The following GFAP variants were observed in gnomAD, a reference collection of about 807,000 sequenced individuals.
GFAP encodes glial fibrillary acidic protein, also known as intermediate filament protein.
Under a neutral mutation model 49.3 loss-of-function variants are expected in GFAP, and 38 were observed. The observed-to-expected ratio is 0.77, with a 90% CI of 0.60 to 1.01. The LOEUF is 1.01. GFAP is among the 50% of genes least tolerant of loss of function. The probability of loss-of-function intolerance (pLI) is 0.00; values close to 1 mark genes in which losing one functional copy is unlikely to be tolerated. For synonymous variants in GFAP, 222 were observed against 236.4 expected (o/e 0.94, Z 0.56); for missense variants, 463 against 579.1 (o/e 0.80, Z 2.06).
rs1455211354 is a variant in GFAP at position 44,915,374 on chromosome 17, G to A, written c.113C>T (p.Ser38Phe). The change falls in exon 1 of 9, where the codon TCC (serine) becomes TTC (phenylalanine). Residue 38 changes from serine to phenylalanine, a missense_variant. Around this residue, in one of 3 missense-constraint regions of GFAP, gnomAD observed 89 missense variants for 87.5 expected, o/e 1.02. Coordinates refer to ENST00000588735, the MANE Select transcript of GFAP (RefSeq NM_002055.5). The surrounding 1 kb of genome is among the most constrained non-coding windows in gnomAD (Gnocchi z 4.1). ...GRRLGPGTRL[S>F]LARMPPPLPT... is the part of the protein sequence containing the mutation. ...GAGTGGAGGGGGCATTCGAGCCAGG[G>A]AGAGGCGGGTGCCAGGACCCAGACG... 29 of 1,609,252 alleles carry A rather than the reference G, an allele frequency of 1.8e-5. No individual in the cohort carries two copies. Among genetic ancestry groups the A allele is most frequent in the Non-Finnish European group, 2.4e-5 (28 of 1,176,888 alleles).
At position 44,911,720 on chromosome 17, in the gene GFAP, C is replaced by T. The variant is rs2289681; in HGVS notation, c.858G>A (p.Arg286=). 199,782 of 1,613,652 alleles carry T rather than the reference C, an allele frequency of 0.12. 13,661 individuals carry two copies. The highest frequency in any genetic ancestry group is 0.24 in the African/African-American group (18,042 of 75,018). The change falls in exon 5 of 9, where the codon CGG becomes CGA. Residue 286 remains arginine (R), a synonymous_variant. Coordinates refer to ENST00000588735, the MANE Select transcript of GFAP (RefSeq NM_002055.5). The part of the protein sequence containing the change: ...RQAKHEANDY[R]RQLQSLTCDL... ...CGCAGGTCAAGGACTGCAACTGGCG[C>T]CGGTAGTCGTTGGCTTCGTGCTTGG...
At position 44,911,333 on chromosome 17, in the gene GFAP, G is replaced by C; in HGVS notation, c.1030C>G (p.Arg344Gly). Residue 344 changes from arginine to glycine, a missense_variant, in exon 6 of 9, where the codon CGC becomes GGC. Coordinates refer to ENST00000588735, the MANE Select transcript of GFAP (RefSeq NM_002055.5). ...EGQSLKDEMARHLQEYQDLLN... is the reference protein window; with the variant it reads ...EGQSLKDEMAGHLQEYQDLLN... ...AGGTCCTGGTACTCCTGCAAGTGGC[G>C]GGCCATCTCGTCCTTGAGGCTCTGC... 9 of 1,614,178 alleles carry C rather than the reference G, an allele frequency of 5.6e-6. No homozygotes were observed. Among genetic ancestry groups the C allele is most frequent in the Non-Finnish European group, 6.8e-6 (8 of 1,180,024 alleles).
chr17:44,911,564 A>G, intron 5 of GFAP, 108 bp from the exon 6 acceptor site: 2 of 1,570,644 alleles, frequency 1.3e-6, no homozygotes, highest in Non-Finnish European at 1.7e-6. Flanking sequence ...GGTAACGTTC[A>G]GGCCCCGCCC....
chr17:44,903,652 C>T lies in GFAP; in HGVS notation c.*3695G>A. ...ATGTTAGAAGGGCATCTTGTACATCCACTGGGAATAAATTGCCTTGCACTT... is the reference window on the plus strand; with the variant it reads ...ATGTTAGAAGGGCATCTTGTACATCTACTGGGAATAAATTGCCTTGCACTT... On this transcript the variant is annotated 3_prime_UTR_variant, in exon 9 of 9. Coordinates refer to ENST00000588735, the MANE Select transcript of GFAP (RefSeq NM_002055.5). 1.9e-5 allele frequency: 27 copies of T among 1,433,082 alleles called. No homozygotes were observed. Among genetic ancestry groups the T allele is most frequent in the Non-Finnish European group, 2.4e-5 (26 of 1,099,804 alleles). 88.8% of individuals were successfully genotyped at this position (1,433,082 alleles called of 1,614,324 possible). A position where few individuals can be genotyped will look rare whatever the true frequency, so the allele number is the denominator to read the frequency against.
At chr17:44,914,286 C>T in intron 1 of GFAP, 198 bp from the exon 2 acceptor site, 1 of 593,462 alleles carries the variant, frequency 1.7e-6, no homozygotes. Flanking sequence ...TGCCTTAACT[C>T]ATTACTAAGG....
At chr17:44,913,551 C>T (rs1366725538) in intron 3 of GFAP, 121 bp from the exon 4 acceptor site, 3 of 1,153,754 alleles carry the variant, frequency 2.6e-6, no homozygotes, top group Non-Finnish European at 3.9e-6. Context: ...TCTCTTGTCT[C>T]TTTCCGTCTC....
chr17:44,909,958 G>A (rs1385204387), intron 7 of GFAP: 3 of 1,453,964 alleles, frequency 2.1e-6, no homozygotes, highest in Non-Finnish European at 2.7e-6. Context: ...CCAGTTTAAT[G>A]TACAGTTACT....
chr17:44,904,909 A>T lies in GFAP; in HGVS notation c.*2438T>A, dbSNP rs1296431077. ...TTGCTGGCTTCCGGCTGGGTGTGAC[A>T]TCTCATGGGCACTACCCAGCCTCGT... On this transcript the variant is annotated 3_prime_UTR_variant, in exon 9 of 9. Transcript: ENST00000588735. The T allele has an allele frequency of 7.1e-6, 11 of 1,550,560 alleles. No homozygotes were observed. The highest frequency in any genetic ancestry group is 9.6e-6 in the Non-Finnish European group (11 of 1,146,976).
At chr17:44,914,223 T>C (rs964332404) in intron 1 of GFAP, 135 bp from the exon 2 acceptor site, 28 of 675,728 alleles carry the variant, frequency 4.1e-5, no homozygotes, top group African/African-American at 8.9e-5. Flanking sequence ...GGATTAAGGG[T>C]TGGGGGGCCT....
chr17:44,903,608 C>T lies in GFAP; in HGVS notation c.*3739G>A, dbSNP rs1362740301. 5.7e-6 allele frequency: 8 copies of T among 1,405,004 alleles called. No individual in the cohort carries two copies. The highest frequency in any genetic ancestry group is 7.4e-6 in the Non-Finnish European group (8 of 1,086,484). The allele number at this position is 1,405,004 out of a possible 1,614,324, so 87.0% of individuals were successfully genotyped here. A position where few individuals can be genotyped will look rare whatever the true frequency, so the allele number is the denominator to read the frequency against. ...GTTCTAGAATGGCTTTCCCCCCCCA[C>T]CCTGAGATCAGGTCTGGAATGTTAG... is the stretch of plus-strand genomic sequence containing the variant. On this transcript the variant is annotated 3_prime_UTR_variant, in exon 9 of 9. Coordinates refer to ENST00000588735, the MANE Select transcript of GFAP (RefSeq NM_002055.5).
rs1472900702 is a variant in GFAP, at chr17:44,910,360, C to T, written c.1171+255G>A. On this transcript the variant is annotated intron_variant, in intron 7 of 8. Coordinates refer to ENST00000588735, the MANE Select transcript of GFAP (RefSeq NM_002055.5). ...ACAGGGCAGATGTCAAGCTCTCACC[C>T]AGTTCTGCTGTCGAATGGGGTGCAG... 38 of 1,610,580 alleles carry T rather than the reference C, an allele frequency of 2.4e-5. No individual in the cohort carries two copies. In the East Asian group the frequency reaches 8.5e-4, roughly 36 times the overall value.
chr17:44,909,977 C>T lies in GFAP; in HGVS notation c.1171+638G>A, dbSNP rs750652983. Reference sequence around the variant, plus strand: ...TTTAATGTACAGTTACTCTGTACCACGTCCTGGGCTGGGCACTGCAGTTCC... The same window carrying T: ...TTTAATGTACAGTTACTCTGTACCATGTCCTGGGCTGGGCACTGCAGTTCC... On this transcript the variant is annotated intron_variant, in intron 7 of 8. Transcript: ENST00000588735. The T allele has an allele frequency of 1.3e-5, 19 of 1,494,486 alleles. No homozygotes were observed. The East Asian group carries it at 2.3e-4, about 18-fold the overall frequency. 92.6% of individuals were successfully genotyped at this position (1,494,486 alleles called of 1,614,324 possible).
At chr17:44,910,370 G>T in intron 7 of GFAP, 1 of 1,609,440 alleles carries the variant, frequency 6.2e-7, no homozygotes, top group Non-Finnish European at 8.5e-7. Flanking sequence ...CAGTTCTGCT[G>T]TCGAATGGGG....
chr17:44,914,403 T>C (rs1311650878), intron 1 of GFAP: 4 of 388,090 alleles, frequency 1.0e-5, no homozygotes, highest in Non-Finnish European at 9.4e-6. Context: ...CCTCCTGCAC[T>C]TGAAGGCACA....
chr17:44,915,085 G>C lies in GFAP; in HGVS notation c.402C>G (p.Ser134Arg). ...TGTCCCTCTCAACCTCCAGCCGGGC[G>C]CTGTTGGCGGTGAGTTGATCGAGCC... is the stretch of plus-strand genomic sequence containing the variant. ...RLRLDQLTAN[S>R]ARLEVERDNL... The change falls in exon 1 of 9, where the codon AGC becomes AGG. Residue 134 changes from serine (S) to arginine (R), a missense_variant. Coordinates refer to ENST00000588735, the MANE Select transcript of GFAP (RefSeq NM_002055.5). The surrounding 1 kb of genome is among the most constrained non-coding windows in gnomAD (Gnocchi z 4.1). 6.2e-7 allele frequency: 1 copy of C among 1,613,474 alleles called. No homozygotes were observed. The highest frequency in any genetic ancestry group is 8.5e-7 in the Non-Finnish European group (1 of 1,180,012).
At chr17:44,910,405 G>A (rs2051732685) in intron 7 of GFAP, 2 of 1,600,818 alleles carry the variant, frequency 1.2e-6, no homozygotes, top group South Asian at 2.2e-5. Context: ...GAGGGACCAG[G>A]GCCTAGCAGG....
intron 7 of GFAP, chr17:44,910,033 G>A: frequency 6.3e-7 from 1 of 1,596,338 alleles, no homozygotes. Context: ...GGCCCTTTAG[G>A]GGAAGCCTGG....
rs374625013 is a variant in GFAP at position 44,914,209 on chromosome 17, A to G, written c.462-121T>C. ...CCCCACCCAGGACCAGTAGAGCAGC[A>G]GGAGGATTAAGGGTTGGGGGGCCTT... On this transcript the variant is annotated intron_variant, in intron 1 of 8. Transcript: ENST00000588735. 6.1e-5 allele frequency: 43 copies of G among 707,010 alleles called. 3 individuals carry two copies. Among genetic ancestry groups the G allele is most frequent in the Admixed American group, 3.0e-4 (14 of 46,548 alleles). 43.8% of individuals were successfully genotyped at this position (707,010 alleles called of 1,614,324 possible).
At chr17:44,913,916 G>T in intron 2 of GFAP, 93 bp from the exon 3 acceptor site, 1 of 1,348,392 alleles carries the variant, frequency 7.4e-7, no homozygotes, top group East Asian at 2.3e-5. Context: ...CTCCTTCTGG[G>T]GCAGTGGGGA....
Sources: gnomAD v4.1 joint callset for allele counts on GRCh38, gnomAD v4.1.1 for gene constraint, gnomAD v4.1.1 regional missense constraint, Gnocchi (gnomAD v3.1) non-coding constraint, MANE v1.5 for transcripts, NCBI Gene and HGNC (gene_info 2026-07-23, HGNC 2026-07-21) for gene names.